PRKG1: variants seen among roughly 807,000 people sequenced by gnomAD.
PRKG1 encodes cGMP-dependent protein kinase 1.
Under a neutral mutation model 88.1 loss-of-function variants are expected in PRKG1, and 35 were observed. The observed-to-expected ratio is 0.40, with a 90% CI of 0.30 to 0.53. PRKG1 has a LOEUF of 0.53. Among genes scored for constraint, PRKG1 ranks in the 20% least tolerant of loss-of-function variants. The pLI is 0.59. For synonymous variants in PRKG1, 303 were observed against 292.5 expected (o/e 1.04, Z -0.37); for missense variants, 540 against 839.8 (o/e 0.64, Z 4.41).
At chr10:52,201,887 T>C (rs1414635103) in intron 9 of PRKG1, among the ~76,000 whole-genome samples, 1 of 152,154 alleles carries the variant, frequency 6.6e-6, no homozygotes, top group Non-Finnish European at 1.5e-5. Flanking sequence ...ATGCAACTGA[T>C]ATATGTGCAT....
At chr10:51,991,417 C>G (rs1319133040) in intron 5 of PRKG1, among the ~76,000 whole-genome samples, 1 of 151,758 alleles carries the variant, frequency 6.6e-6, no homozygotes, top group African/African-American at 2.4e-5. Context: ...TTCTAGGGTA[C>G]ATGTGCACAA....
At chr10:51,947,261 C>T (rs368942661) in intron 5 of PRKG1, among the ~76,000 whole-genome samples, 11 of 152,160 alleles carry the variant, frequency 7.2e-5, no homozygotes, top group Admixed American at 2.6e-4. Context: ...GTAGGACCCT[C>T]GGAGCCAGGT....
chr10:51,313,226 C>T (rs1180760415), intron 2 of PRKG1, among the ~76,000 whole-genome samples: 1 of 151,908 alleles, frequency 6.6e-6, no homozygotes, highest in Admixed American at 6.6e-5. Flanking sequence ...GGAAGAGGGG[C>T]CATAACCTGA....
At chr10:51,940,312 A>G (rs1431313967) in intron 5 of PRKG1, among the ~76,000 whole-genome samples, 1 of 151,862 alleles carries the variant, frequency 6.6e-6, no homozygotes, top group Non-Finnish European at 1.5e-5. Context: ...TCTATTAATA[A>G]TTAGCCCTCT....
intron 2 of PRKG1, among the ~76,000 whole-genome samples, chr10:51,340,467 T>C (rs892959912): frequency 4.6e-5 from 7 of 152,188 alleles, no homozygotes; most frequent in Admixed American, 3.3e-4. Flanking sequence ...TCTACAAGTT[T>C]CCAAATGTTT....
At chr10:52,265,806 C>T (rs1441211889) in intron 10 of PRKG1, among the ~76,000 whole-genome samples, 1 of 152,018 alleles carries the variant, frequency 6.6e-6, no homozygotes, top group Non-Finnish European at 1.5e-5. Flanking sequence ...GTCAAAAATT[C>T]CCACCTTAAG....
Position 51,313,089 on chromosome 10 carries a change from G to GTT in PRKG1, c.479-154633_479-154632insTT, listed in dbSNP as rs1270806887. Among the ~76,000 whole-genome samples the GTT allele has an allele frequency of 2.0e-5, 3 of 152,000 alleles. No individual in the cohort carries two copies. The East Asian group carries it at 5.8e-4, about 29-fold the overall frequency. On this transcript the variant is annotated intron_variant, in intron 2 of 17. Coordinates refer to ENST00000373980, the MANE Select transcript of PRKG1 (RefSeq NM_006258.4). ...AGTTGCAGTGTGTGTGTGTGTGTGT[G>GTT]TGTGTAGGGTGTGTGTATGTGGGAT... is the stretch of plus-strand genomic sequence containing the variant.
At chr10:51,422,636 T>G (rs538121809) in intron 2 of PRKG1, among the ~76,000 whole-genome samples, 1 of 152,046 alleles carries the variant, frequency 6.6e-6, no homozygotes, top group African/African-American at 2.4e-5. Context: ...CCTTTGTTTC[T>G]GTCCTTTTTC....
intron 5 of PRKG1, among the ~76,000 whole-genome samples, chr10:51,992,486 T>G (rs1434336554): frequency 1.3e-5 from 2 of 152,090 alleles, no homozygotes; most frequent in Non-Finnish European, 2.9e-5. Flanking sequence ...CCGTAAGAAC[T>G]ATAACATTTT....
intron 4 of PRKG1, among the ~76,000 whole-genome samples, chr10:51,824,865 A>T (rs555814787): frequency 1.3e-5 from 2 of 151,754 alleles, no homozygotes; most frequent in African/African-American, 4.8e-5. Flanking sequence ...TGACTCAAAC[A>T]CCTCCCATCA....
intron 3 of PRKG1, among the ~76,000 whole-genome samples, chr10:51,562,038 C>T (rs577367514): frequency 2.6e-4 from 39 of 152,040 alleles, no homozygotes; most frequent in African/African-American, 8.9e-4. Flanking sequence ...GCCTGGCCAA[C>T]ATGACGAAAA....
intron 7 of PRKG1, among the ~76,000 whole-genome samples, chr10:52,079,851 A>C (rs1222691343): frequency 2.0e-5 from 3 of 152,182 alleles, no homozygotes; most frequent in African/African-American, 7.2e-5. Context: ...GGATACTTTT[A>C]CATTATTAGA....
intron 2 of PRKG1, among the ~76,000 whole-genome samples, chr10:51,440,148 G>C (rs1221993037): frequency 6.6e-6 from 1 of 151,776 alleles, no homozygotes; most frequent in Admixed American, 6.6e-5. Flanking sequence ...CGTTGAGTAT[G>C]ATACTCCGTT....
chr10:51,286,591 G>A (rs1564429852), intron 2 of PRKG1, among the ~76,000 whole-genome samples: 1 of 151,922 alleles, frequency 6.6e-6, no homozygotes, highest in Non-Finnish European at 1.5e-5. Context: ...ATTTTTAACT[G>A]ACATATACAG....
In PRKG1 at chr10:50,991,363, G is replaced by C; in HGVS notation, c.-16G>C. On this transcript the variant is annotated 5_prime_UTR_variant, in exon 1 of 18. Coordinates refer to the PRKG1 transcript ENST00000401604. This position sits in a 1 kb window ranked among gnomAD's most constrained non-coding sequence, Gnocchi z 4.5. The stretch of plus-strand genomic sequence containing the variant: ...GCCGCCCGAGAAAAAGTTTCGCGGA[G>C]GGGCTCAGTGAAAAAATGAGCGAGC... The C allele has an allele frequency of 6.6e-7, 1 of 1,512,932 alleles. No individual in the cohort carries two copies. Among genetic ancestry groups the C allele is most frequent in the Non-Finnish European group, 8.8e-7 (1 of 1,130,266 alleles). 93.7% of individuals were successfully genotyped at this position (1,512,932 alleles called of 1,614,324 possible).
chr10:51,657,317 G>A (rs1046468739), intron 3 of PRKG1, among the ~76,000 whole-genome samples: 15 of 152,030 alleles, frequency 9.9e-5, no homozygotes, highest in African/African-American at 2.9e-4. Context: ...TGCTTCTGCC[G>A]TAACAACAGA....
chr10:52,240,545 G>A (rs746976719), intron 9 of PRKG1, among the ~76,000 whole-genome samples: 1 of 152,118 alleles, frequency 6.6e-6, no homozygotes, highest in African/African-American at 2.4e-5. Flanking sequence ...TTTAAAACAA[G>A]TTTTATTGAT....
At position 51,408,036 on chromosome 10, in the gene PRKG1, T is replaced by G. The variant is rs539855908; in HGVS notation, c.479-59687T>G. On this transcript the variant is annotated intron_variant, in intron 2 of 17. Coordinates refer to ENST00000373980, the MANE Select transcript of PRKG1 (RefSeq NM_006258.4). ...GACCTCTAGGCCAGCATAATGTCAT[T>G]TCATGGGAACAGGAAGCAAAAATTT... is the stretch of plus-strand genomic sequence containing the variant. 9.8e-5 allele frequency among the ~76,000 whole-genome samples: 15 copies of G among 152,304 alleles called. No homozygotes were observed. The South Asian group carries it at 2.5e-3, about 25-fold the overall frequency.
intron 8 of PRKG1, among the ~76,000 whole-genome samples, chr10:52,159,774 T>TA (rs199913672): frequency 2.0e-5 from 3 of 151,616 alleles, no homozygotes; most frequent in African/African-American, 7.2e-5. Context: ...AGGATTTTTT[T>TA]AAAAAAAACT....
Sources: allele counts gnomAD v4.1 joint callset (sites outside exome capture counted in the v4.1 genomes callset), GRCh38; gene constraint gnomAD v4.1.1; non-coding constraint Gnocchi (gnomAD v3.1); transcripts MANE v1.5; gene names NCBI Gene and HGNC (gene_info 2026-07-23, HGNC 2026-07-21).